Variants in GABRB3 observed in about 807,000 individuals in gnomAD.
GABRB3 encodes gamma-aminobutyric acid receptor subunit beta-3.
A neutral mutation model predicts 52.1 loss-of-function variants in GABRB3; 14 were observed. The observed-to-expected ratio is 0.27, with a 90% CI of 0.18 to 0.42. GABRB3 has a LOEUF of 0.42. GABRB3 is among the 10% of genes least tolerant of loss of function. The probability of loss-of-function intolerance (pLI) is 1.00; values close to 1 mark genes in which losing one functional copy is unlikely to be tolerated. For synonymous variants in GABRB3, 260 were observed against 232.3 expected (o/e 1.12, Z -1.08); for missense variants, 307 against 609.1 (o/e 0.50, Z 5.22).
chr15:26,711,381 C>T (rs564222100), intron 3 of GABRB3, among the ~76,000 whole-genome samples: 9 of 152,282 alleles, frequency 5.9e-5, no homozygotes, highest in East Asian at 1.9e-4. Context: ...ACTGGCCCTC[C>T]GACCCCCTTG....
intron 3 of GABRB3, among the ~76,000 whole-genome samples, chr15:26,713,630 ATGGACAG>A (rs1889373748): frequency 1.3e-5 from 2 of 152,128 alleles, no homozygotes; most frequent in Non-Finnish European, 2.9e-5. Flanking sequence ...AATGAATGCC[ATGGACAG>A]GCAATGCTGG....
At chr15:26,678,829 A>T (rs1045496253) in intron 3 of GABRB3, among the ~76,000 whole-genome samples, 3 of 152,184 alleles carry the variant, frequency 2.0e-5, no homozygotes, top group Non-Finnish European at 4.4e-5. Flanking sequence ...GTCCCAGATG[A>T]AAGTGTACCT....
intron 3 of GABRB3, among the ~76,000 whole-genome samples, chr15:26,629,976 G>T (rs1488414815): frequency 6.6e-6 from 1 of 152,058 alleles, no homozygotes; most frequent in African/African-American, 2.4e-5. Flanking sequence ...GATGGATACA[G>T]TACTTAGAAG....
chr15:26,686,623 C>T (rs892290685), intron 3 of GABRB3, among the ~76,000 whole-genome samples: 1 of 152,072 alleles, frequency 6.6e-6, no homozygotes, highest in Non-Finnish European at 1.5e-5. Flanking sequence ...GGAAATATAC[C>T]CCAGATCAAA....
At position 26,564,608 on chromosome 15, in the gene GABRB3, G is replaced by GTGCAGTCCCTTAGGA. The variant is rs568215724; in HGVS notation, c.835+2958_835+2972dup. On this transcript the variant is annotated intron_variant, in intron 7 of 8. Transcript: ENST00000311550. ...TTAGAAGCAATGTGTATTGATCACA[G>GTGCAGTCCCTTAGGA]TGCAGTCCCTTAGGATGAATGCAAA... 1.5e-3 allele frequency among the ~76,000 whole-genome samples: 226 copies of GTGCAGTCCCTTAGGA among 152,322 alleles called. 1 individual carries two copies. Among genetic ancestry groups the GTGCAGTCCCTTAGGA allele is most frequent in the African/African-American group, 5.2e-3 (215 of 41,576 alleles).
At chr15:26,703,611 A>C (rs1889005856) in intron 3 of GABRB3, among the ~76,000 whole-genome samples, 1 of 152,242 alleles carries the variant, frequency 6.6e-6, no homozygotes, top group Admixed American at 6.5e-5. Context: ...TTCAAGGTAG[A>C]ATTCATCCCA....
intron 4 of GABRB3, among the ~76,000 whole-genome samples, chr15:26,597,770 G>A (rs1384974512): frequency 6.6e-6 from 1 of 152,240 alleles, no homozygotes; most frequent in Non-Finnish European, 1.5e-5. Context: ...TATTTTCCAA[G>A]TCAGAGTATG....
At chr15:26,641,890 TTTC>T (rs1160516089) in intron 3 of GABRB3, among the ~76,000 whole-genome samples, 1 of 151,550 alleles carries the variant, frequency 6.6e-6, no homozygotes, top group African/African-American at 2.4e-5. Context: ...TTTTCTTCTC[TTTC>T]TTTTTTTTTT....
At chr15:26,617,600 GGCACAAGACAGGGAT>G (rs1312910985) in intron 4 of GABRB3, among the ~76,000 whole-genome samples, 2 of 151,926 alleles carry the variant, frequency 1.3e-5, no homozygotes, top group African/African-American at 4.8e-5. Context: ...TTTGAAAACT[GGCACAAGACAGGGAT>G]GCCCTCTCTC....
chr15:26,638,534 CCT>C (rs1034056151), intron 3 of GABRB3, among the ~76,000 whole-genome samples: 12 of 152,176 alleles, frequency 7.9e-5, no homozygotes, highest in African/African-American at 2.9e-4. Context: ...GCCGGAGACC[CCT>C]CTGAGTGCCA....
chr15:26,665,013 C>T (rs1288721375), intron 3 of GABRB3, among the ~76,000 whole-genome samples: 1 of 152,072 alleles, frequency 6.6e-6, no homozygotes, highest in Non-Finnish European at 1.5e-5. Flanking sequence ...GGGTTAAGAA[C>T]ACTAGGAACA....
rs1346521870 is a variant in GABRB3 at position 26,554,189 on chromosome 15, T to TAAAG, written c.1081-6056_1081-6055insCTTT. ...TATATATATAAAGTATATATATATATACTATATATATATATATATAGTAGA... is the reference window on the plus strand; with the variant it reads ...TATATATATAAAGTATATATATATATAAAGACTATATATATATATATATAGTAGA... On this transcript the variant is annotated intron_variant, in intron 8 of 8. Coordinates refer to ENST00000311550, the MANE Select transcript of GABRB3 (RefSeq NM_000814.6). Among the ~76,000 whole-genome samples, 107 of 27,276 alleles carry TAAAG rather than the reference T, an allele frequency of 3.9e-3. 4 individuals are homozygous for TAAAG. Among genetic ancestry groups the TAAAG allele is most frequent in the South Asian group, 5.0e-3 (4 of 798 alleles). 17.9% of individuals were successfully genotyped at this position (27,276 alleles called of 152,430 possible). A position where few individuals can be genotyped will look rare whatever the true frequency, so the allele number is the denominator to read the frequency against.
At chr15:26,698,363 C>G (rs1039894303) in intron 3 of GABRB3, among the ~76,000 whole-genome samples, 2 of 152,128 alleles carry the variant, frequency 1.3e-5, no homozygotes, top group Non-Finnish European at 2.9e-5. Context: ...TCTTCCATTT[C>G]TTTTGTGAAC....
chr15:26,756,179 G>A (rs951470059), intron 3 of GABRB3, among the ~76,000 whole-genome samples: 20 of 151,946 alleles, frequency 1.3e-4, no homozygotes, highest in Admixed American at 1.2e-3. Context: ...GAAAATAATA[G>A]ATATTATTTT....
chr15:26,703,994 GC>G (rs1889017186), intron 3 of GABRB3, among the ~76,000 whole-genome samples: 1 of 152,174 alleles, frequency 6.6e-6, no homozygotes, highest in African/African-American at 2.4e-5. Flanking sequence ...TGGCAGCCAG[GC>G]CCCAAGACTC....
intron 3 of GABRB3, among the ~76,000 whole-genome samples, chr15:26,651,753 T>G (rs150797199): frequency 1.7e-3 from 259 of 152,256 alleles, no homozygotes; most frequent in African/African-American, 6.1e-3. Context: ...TGTGCCTTGC[T>G]CTCCAACCTC....
At chr15:26,772,796 A>G (rs1167190000) in intron 1 of GABRB3, 24 bp from the exon 2 acceptor site, 2 of 1,527,244 alleles carry the variant, frequency 1.3e-6, no homozygotes, top group Non-Finnish European at 1.8e-6. Context: ...GGGGAGCACA[A>G]AGAGCGGGGT....
chr15:26,552,253 C>T (rs897267423), intron 8 of GABRB3, among the ~76,000 whole-genome samples: 1 of 152,066 alleles, frequency 6.6e-6, no homozygotes, highest in Non-Finnish European at 1.5e-5. Context: ...GTGATCCTCC[C>T]GCCTCGGCCT....
At chr15:26,675,282 A>G (rs1474032403) in intron 3 of GABRB3, among the ~76,000 whole-genome samples, 2 of 152,326 alleles carry the variant, frequency 1.3e-5, no homozygotes, top group African/African-American at 4.8e-5. Flanking sequence ...GCCCTGTTCT[A>G]CTGAAGAGTG....
Sources: gnomAD v4.1 joint callset for allele counts (sites outside exome capture counted in the v4.1 genomes callset) on GRCh38, gnomAD v4.1.1 for gene constraint, MANE v1.5 for transcripts, NCBI Gene and HGNC (gene_info 2026-07-23, HGNC 2026-07-21) for gene names.